Variants in TMC1 observed in about 807,000 individuals in gnomAD.
TMC1 encodes the protein transmembrane channel-like protein 1.
In TMC1, 84 loss-of-function variants were observed where a neutral mutation model predicts 105.8. The observed-to-expected ratio is 0.79, with a 90% CI of 0.67 to 0.95. The LOEUF is 0.95. TMC1 is among the 40% of genes least tolerant of loss of function. The probability of loss-of-function intolerance (pLI) is 0.00; values close to 1 mark genes in which losing one functional copy is unlikely to be tolerated. For missense variants in TMC1, 817 were observed against 914.1 expected, an observed-to-expected ratio of 0.89 and a Z score of 1.37; for synonymous variants, 315 against 311.5, an observed-to-expected ratio of 1.01 and a Z score of -0.12.
In TMC1 at chr9:72,835,818, A is replaced by G. The variant is rs565664175; in HGVS notation, c.2261-133A>G. On this transcript the variant is annotated intron_variant, in intron 23 of 23. Coordinates refer to ENST00000297784, the MANE Select transcript of TMC1 (RefSeq NM_138691.3). ...TTATGGGAAAGTAGAGCACATTTGG[A>G]CAATACAGATTTCTGGCCACCTCAT... is the stretch of plus-strand genomic sequence containing the variant. 6.7e-5 allele frequency: 61 copies of G among 913,112 alleles called. 1 individual carries two copies. The South Asian group carries it at 8.9e-4, about 13-fold the overall frequency. 56.6% of individuals were successfully genotyped at this position (913,112 alleles called of 1,614,324 possible). A position where few individuals can be genotyped will look rare whatever the true frequency, so the allele number is the denominator to read the frequency against.
chr9:72,735,459 C>T (rs1041510865), intron 8 of TMC1, among the ~76,000 whole-genome samples: 2 of 152,110 alleles, frequency 1.3e-5, no homozygotes, highest in African/African-American at 4.8e-5. Context: ...TCTTAGTGTT[C>T]TAAAGACTGT....
intron 3 of TMC1, among the ~76,000 whole-genome samples, chr9:72,624,224 A>G (rs886927567): frequency 5.3e-5 from 8 of 152,158 alleles, no homozygotes; most frequent in Non-Finnish European, 1.0e-4. Flanking sequence ...TGATTGCAGC[A>G]CTAGAGACAC....
At chr9:72,826,335 G>GA (rs1166646410) in intron 20 of TMC1, among the ~76,000 whole-genome samples, 2 of 152,110 alleles carry the variant, frequency 1.3e-5, no homozygotes, top group Non-Finnish European at 2.9e-5. Flanking sequence ...AACTGAGAGG[G>GA]AAAAAACCCA....
chr9:72,823,976 A>G (rs986405409), intron 20 of TMC1, among the ~76,000 whole-genome samples: 2 of 152,234 alleles, frequency 1.3e-5, no homozygotes, highest in Non-Finnish European at 2.9e-5. Flanking sequence ...ATGATTTTTC[A>G]TAACTGAGCT....
At chr9:72,709,160 A>C (rs1826794481) in intron 8 of TMC1, among the ~76,000 whole-genome samples, 1 of 152,124 alleles carries the variant, frequency 6.6e-6, no homozygotes, top group Admixed American at 6.5e-5. Context: ...GTGTTGTGTC[A>C]CATTTATTTA....
At chr9:72,714,707 G>A (rs567611324) in intron 8 of TMC1, among the ~76,000 whole-genome samples, 10 of 152,218 alleles carry the variant, frequency 6.6e-5, no homozygotes, top group African/African-American at 1.9e-4. Flanking sequence ...AATGGGTCTT[G>A]ACTCTTAATC....
chr9:72,705,242 C>G (rs1588041225), intron 8 of TMC1, among the ~76,000 whole-genome samples: 1 of 152,168 alleles, frequency 6.6e-6, no homozygotes, highest in African/African-American at 2.4e-5. Flanking sequence ...TTAACTGTAT[C>G]AGAACATTAT....
rs149760487 is a variant in TMC1 at position 72,724,244 on chromosome 9, G to A, written c.363-15875G>A. On this transcript the variant is annotated intron_variant, in intron 8 of 23. Coordinates refer to ENST00000297784, the MANE Select transcript of TMC1 (RefSeq NM_138691.3). ...TTGGGCTTATGGTTCTGGAGGCTGG[G>A]AAGTCCAAGAGGCATGACACTGGCA... Among the ~76,000 whole-genome samples, 731 of 152,286 alleles carry A rather than the reference G, an allele frequency of 4.8e-3. 8 individuals are homozygous for A. The highest frequency in any genetic ancestry group is 0.016 in the African/African-American group (673 of 41,558).
chr9:72,609,618 G>T (rs924493583), intron 2 of TMC1, among the ~76,000 whole-genome samples: 8 of 152,256 alleles, frequency 5.3e-5, no homozygotes, highest in Admixed American at 3.3e-4. Context: ...AAGATTAAGA[G>T]AAGTTATACC....
chr9:72,773,440 G>A (rs997903174), intron 13 of TMC1, among the ~76,000 whole-genome samples: 3 of 152,128 alleles, frequency 2.0e-5, no homozygotes, highest in Non-Finnish European at 2.9e-5. Flanking sequence ...CACACTTTGT[G>A]TCCTAAACCT....
intron 21 of TMC1, among the ~76,000 whole-genome samples, chr9:72,829,099 G>A (rs984193519): frequency 1.6e-4 from 24 of 152,116 alleles, no homozygotes; most frequent in African/African-American, 5.1e-4. Context: ...CTGAGGTTCT[G>A]ATTTAAAACC....
At chr9:72,648,004 T>C (rs1357406829) in intron 4 of TMC1, among the ~76,000 whole-genome samples, 1 of 152,198 alleles carries the variant, frequency 6.6e-6, no homozygotes, top group Middle Eastern at 3.2e-3. Flanking sequence ...AAAAATGTTA[T>C]ACTTCCTCAG....
Position 72,611,203 on chromosome 9 carries a change from T to C in TMC1, c.-305-5165T>C, listed in dbSNP as rs535154409. Among the ~76,000 whole-genome samples the C allele has an allele frequency of 2.0e-5, 3 of 152,334 alleles. 1 individual carries two copies. The East Asian group carries it at 5.8e-4, about 29-fold the overall frequency. Reference sequence around the variant, plus strand: ...TTAATTGTATTATTGGGAACCATCATTGATTATTAGGTTCTTTGGAGAAAT... The same window carrying C: ...TTAATTGTATTATTGGGAACCATCACTGATTATTAGGTTCTTTGGAGAAAT... On this transcript the variant is annotated intron_variant, in intron 2 of 23. Transcript: ENST00000297784.
At chr9:72,597,761 A>G (rs1824742557) in intron 2 of TMC1, among the ~76,000 whole-genome samples, 2 of 152,160 alleles carry the variant, frequency 1.3e-5, no homozygotes, top group African/African-American at 2.4e-5. Flanking sequence ...TACAACCCAG[A>G]TGTCAGCACA....
chr9:72,577,318 T>C (rs1257227090), intron 1 of TMC1, among the ~76,000 whole-genome samples: 1 of 152,164 alleles, frequency 6.6e-6, no homozygotes, highest in African/African-American at 2.4e-5. Flanking sequence ...AGCTGACACA[T>C]CTGATTTGGA....
intron 20 of TMC1, 47 bp downstream of exon 20, chr9:72,821,128 G>T: frequency 6.2e-7 from 1 of 1,613,370 alleles, no homozygotes. Flanking sequence ...TCTTTCGGGG[G>T]TGGAGGTGGG....
At chr9:72,740,661 A>G (rs1335328059) in intron 9 of TMC1, among the ~76,000 whole-genome samples, 4 of 152,184 alleles carry the variant, frequency 2.6e-5, no homozygotes, top group Admixed American at 2.6e-4. Context: ...ACAGAAAAGC[A>G]ACTAACATTT....
At chr9:72,737,167 T>C (rs752360155) in intron 8 of TMC1, among the ~76,000 whole-genome samples, 5 of 152,080 alleles carry the variant, frequency 3.3e-5, no homozygotes, top group Non-Finnish European at 5.9e-5. Flanking sequence ...ATTCCTACGC[T>C]GCTTGGTTTA....
At chr9:72,638,758 G>A (rs554877274) in intron 4 of TMC1, among the ~76,000 whole-genome samples, 1 of 152,282 alleles carries the variant, frequency 6.6e-6, no homozygotes, top group African/African-American at 2.4e-5. Flanking sequence ...ACTGGCGAAG[G>A]TCACAGAGCT....
Sources: allele counts gnomAD v4.1 joint callset (sites outside exome capture counted in the v4.1 genomes callset), GRCh38; gene constraint gnomAD v4.1.1; transcripts MANE v1.5; gene names NCBI Gene and HGNC (gene_info 2026-07-23, HGNC 2026-07-21).